The following MED15 variants were observed in gnomAD, a reference collection of about 807,000 sequenced individuals.
MED15 encodes mediator complex subunit 15.
A neutral mutation model predicts 118.7 loss-of-function variants in MED15; 41 were observed. The observed-to-expected ratio is 0.35, with a 90% CI of 0.27 to 0.45. The LOEUF (loss-of-function observed/expected upper bound fraction) is 0.45. Among genes scored for constraint, MED15 ranks in the 20% least tolerant of loss-of-function variants. The probability of loss-of-function intolerance (pLI) is 1.00; values close to 1 mark genes in which losing one functional copy is unlikely to be tolerated. For missense variants in MED15, 740 were observed against 1,025.5 expected (o/e 0.72, Z 3.80); for synonymous variants, 436 against 413.9 (o/e 1.05, Z -0.65).
rs569499023 is a variant in MED15 at position 20,528,225 on chromosome 22, G to A, written c.69-8892G>A. On this transcript the variant is annotated intron_variant, in intron 1 of 17. Transcript: ENST00000263205. ...CTAGGAGTCTCTTCCAGCACGTGGA[G>A]CTTGTCGACTGGGAACTTCATTGAA... 2.9e-4 allele frequency among the ~76,000 whole-genome samples: 44 copies of A among 152,280 alleles called. 1 individual carries two copies. In the East Asian group the frequency reaches 8.3e-3, roughly 29 times the overall value.
At chr22:20,567,907 G>T (rs952584089) in intron 7 of MED15, among the ~76,000 whole-genome samples, 5 of 152,006 alleles carry the variant, frequency 3.3e-5, no homozygotes, top group Non-Finnish European at 7.4e-5. Flanking sequence ...TTCCAGGCTG[G>T]AGTGCACTGA....
At chr22:20,573,478 C>A (rs2056731422) in intron 8 of MED15, among the ~76,000 whole-genome samples, 1 of 152,276 alleles carries the variant, frequency 6.6e-6, no homozygotes, top group African/African-American at 2.4e-5. Context: ...CTGGACCCTT[C>A]TGCACAGTGA....
chr22:20,547,367 A>T (rs1276162109), intron 2 of MED15, among the ~76,000 whole-genome samples: 2 of 152,152 alleles, frequency 1.3e-5, no homozygotes, highest in Non-Finnish European at 2.9e-5. Flanking sequence ...AATGTTTAGG[A>T]ATTGGACCTT....
At chr22:20,585,541 C>T (rs1185119848) in intron 16 of MED15, 187 bp from the exon 17 acceptor site, 2 of 682,670 alleles carry the variant, frequency 2.9e-6, no homozygotes, top group African/African-American at 3.6e-5. Flanking sequence ...GACCTCTGGG[C>T]ACCCATCAAT....
chr22:20,510,288 A>G (rs762192839), intron 1 of MED15, among the ~76,000 whole-genome samples: 32 of 152,168 alleles, frequency 2.1e-4, no homozygotes, highest in Non-Finnish European at 4.4e-4. Flanking sequence ...CAAGAGTCTG[A>G]GGCAGGAGAA....
At chr22:20,519,416 A>G (rs531064648) in intron 1 of MED15, among the ~76,000 whole-genome samples, 29 of 149,044 alleles carry the variant, frequency 1.9e-4, no homozygotes, top group African/African-American at 6.9e-4. Context: ...TCCAAGCCCC[A>G]TGTCTCCTTA....
Position 20,541,514 on chromosome 22 carries a change from C to T in MED15, c.156+4310C>T, listed in dbSNP as rs141587483. The stretch of plus-strand genomic sequence containing the variant: ...ATTCTCTTTCTTTTTGAGACAGTCT[C>T]GCTCTGTCGCCCAGGCTAGAGTGCA... On this transcript the variant is annotated intron_variant, in intron 2 of 17. Transcript: ENST00000263205. 6.6e-5 allele frequency among the ~76,000 whole-genome samples: 10 copies of T among 152,274 alleles called. No homozygotes were observed. The East Asian group carries it at 1.4e-3, about 21-fold the overall frequency.
chr22:20,508,797 G>A (rs548283659), intron 1 of MED15, among the ~76,000 whole-genome samples: 11 of 152,274 alleles, frequency 7.2e-5, no homozygotes, highest in Middle Eastern at 3.4e-3. Context: ...CAAGTCACAG[G>A]GGATGCGATG....
At chr22:20,549,833 C>T (rs1475345492) in intron 2 of MED15, among the ~76,000 whole-genome samples, 2 of 152,186 alleles carry the variant, frequency 1.3e-5, no homozygotes, top group African/African-American at 4.8e-5. Context: ...GATGATGATG[C>T]CTGCCCACTG....
intron 10 of MED15, 29 bp from the exon 11 acceptor site, chr22:20,582,811 G>A: frequency 3.7e-6 from 6 of 1,605,930 alleles, no homozygotes; most frequent in South Asian, 1.1e-5. Flanking sequence ...CTGGACCCCG[G>A]CTCACATGTT....
intron 1 of MED15, chr22:20,508,062 G>C: frequency 7.4e-7 from 1 of 1,348,956 alleles, no homozygotes; most frequent in East Asian, 3.1e-5. Flanking sequence ...ACACTGAATA[G>C]GGAAAGGGAG....
intron 1 of MED15, among the ~76,000 whole-genome samples, chr22:20,509,542 G>C (rs1413394669): frequency 6.6e-6 from 1 of 151,742 alleles, no homozygotes; most frequent in Non-Finnish European, 1.5e-5. Flanking sequence ...TTCCAGAGGA[G>C]GGGGAACGTA....
At chr22:20,555,211 CTG>C (rs2055946994) in intron 5 of MED15, 63 bp downstream of exon 5, 1 of 1,438,454 alleles carries the variant, frequency 7.0e-7, no homozygotes, top group Middle Eastern at 1.8e-4. Context: ...CATTTTATTC[CTG>C]TGCTTATGAT....
chr22:20,508,175 ATG>A, intron 1 of MED15: 1 of 1,215,438 alleles, frequency 8.2e-7, no homozygotes, highest in Non-Finnish European at 1.1e-6. Flanking sequence ...AGGAGGGTGG[ATG>A]TAAGATGAGA....
intron 16 of MED15, 42 bp from the exon 17 acceptor site, chr22:20,585,686 C>T (rs779695863): frequency 1.3e-5 from 20 of 1,586,298 alleles, no homozygotes; most frequent in East Asian, 4.5e-5. Context: ...CAGGGCAGGC[C>T]GGGGCTTGTC....
chr22:20,548,500 A>G (rs2055643059), intron 2 of MED15, among the ~76,000 whole-genome samples: 1 of 152,122 alleles, frequency 6.6e-6, no homozygotes, highest in African/African-American at 2.4e-5. Context: ...TAAAAGATTT[A>G]TGTGCTTCTG....
At chr22:20,544,620 C>T (rs1461884317) in intron 2 of MED15, among the ~76,000 whole-genome samples, 2 of 152,068 alleles carry the variant, frequency 1.3e-5, no homozygotes, top group Admixed American at 1.3e-4. Context: ...GAGCCGAGAT[C>T]GCGGCACTGC....
At chr22:20,564,783 AG>A in intron 6 of MED15, 95 bp downstream of exon 6, 1 of 1,570,196 alleles carries the variant, frequency 6.4e-7, no homozygotes, top group South Asian at 1.2e-5. Context: ...GCCCGGAGCC[AG>A]CCGAGGGTTC....
At chr22:20,535,358 T>C (rs551069936) in intron 1 of MED15, among the ~76,000 whole-genome samples, 3 of 152,198 alleles carry the variant, frequency 2.0e-5, no homozygotes, top group African/African-American at 4.8e-5. Context: ...TTAAACCTCC[T>C]TTCTGTGATG....
Sources: allele counts gnomAD v4.1 joint callset (sites outside exome capture counted in the v4.1 genomes callset), GRCh38; gene constraint gnomAD v4.1.1; transcripts MANE v1.5; gene names NCBI Gene and HGNC (gene_info 2026-07-23, HGNC 2026-07-21).